The following TENM4 variants were observed in gnomAD, a reference collection of about 807,000 sequenced individuals.
The protein encoded by TENM4 is teneurin transmembrane protein 4.
A neutral mutation model predicts 243.3 loss-of-function variants in TENM4; 82 were observed. That is an observed-to-expected ratio of 0.34 (90% CI 0.28 to 0.40). The LOEUF is 0.40. Ranked by LOEUF, TENM4 falls within the 10% of genes least tolerant of loss-of-function variation. The probability of loss-of-function intolerance (pLI) is 1.00; values close to 1 mark genes in which losing one functional copy is unlikely to be tolerated. For missense variants in TENM4, 3,138 were observed against 3,673.3 expected, an observed-to-expected ratio of 0.85 and a Z score of 3.77; for synonymous variants, 1,412 against 1,456.3, an observed-to-expected ratio of 0.97 and a Z score of 0.69.
At chr11:79,071,732 GC>G (rs1850611435) in intron 4 of TENM4, among the ~76,000 whole-genome samples, 1 of 152,062 alleles carries the variant, frequency 6.6e-6, no homozygotes, top group Non-Finnish European at 1.5e-5. Flanking sequence ...TTTTATTGGT[GC>G]CTCACAATAA....
intron 1 of TENM4, among the ~76,000 whole-genome samples, chr11:79,323,946 G>T (rs1024239557): frequency 2.0e-5 from 3 of 151,684 alleles, no homozygotes; most frequent in East Asian, 1.9e-4. Context: ...CATACATAAA[G>T]CTACATATAC....
chr11:79,439,717 C>T (rs771051527), intron 1 of TENM4, among the ~76,000 whole-genome samples: 105 of 152,080 alleles, frequency 6.9e-4, no homozygotes, highest in East Asian at 5.9e-4. Flanking sequence ...TTCCAGTCTG[C>T]TCCTCCAATG....
At chr11:79,027,962 GA>G (rs1331346798) in intron 6 of TENM4, among the ~76,000 whole-genome samples, 3 of 152,132 alleles carry the variant, frequency 2.0e-5, no homozygotes, top group Admixed American at 6.5e-5. Flanking sequence ...TCACTCACAG[GA>G]AGGTCATAAA....
chr11:79,061,314 A>T (rs1372876793), intron 6 of TENM4, among the ~76,000 whole-genome samples: 1 of 152,106 alleles, frequency 6.6e-6, no homozygotes, highest in Non-Finnish European at 1.5e-5. Flanking sequence ...ACCTATGGGG[A>T]GTCTAGGTTT....
chr11:79,236,838 C>G (rs566697717), intron 2 of TENM4, among the ~76,000 whole-genome samples: 18 of 152,258 alleles, frequency 1.2e-4, no homozygotes, highest in Non-Finnish European at 2.5e-4. Flanking sequence ...TGACTATGCT[C>G]GGGTGCACTG....
chr11:78,715,094 G>A (rs901505893), intron 25 of TENM4, among the ~76,000 whole-genome samples: 8 of 152,134 alleles, frequency 5.3e-5, no homozygotes, highest in Admixed American at 4.6e-4. Flanking sequence ...GTTTGCATTC[G>A]CATTATTTAG....
rs1227564257 is a variant in TENM4 at position 78,813,116 on chromosome 11, C to G, written c.1784-800G>C. 3.3e-5 allele frequency among the ~76,000 whole-genome samples: 5 copies of G among 152,200 alleles called. No homozygotes were observed. In the South Asian group the frequency reaches 6.2e-4, roughly 19 times the overall value. ...CACCTGGCTTCTTTCCTTTTTAAAG[C>G]ACTCAGCAGGTAATCACTGTGTTTC... On this transcript the variant is annotated intron_variant, in intron 13 of 33. Coordinates refer to ENST00000278550, the MANE Select transcript of TENM4 (RefSeq NM_001098816.3).
At chr11:79,207,520 G>T (rs1863872271) in intron 3 of TENM4, among the ~76,000 whole-genome samples, 1 of 152,148 alleles carries the variant, frequency 6.6e-6, no homozygotes, top group Non-Finnish European at 1.5e-5. Context: ...GCCCAGATTT[G>T]AAACCAGAGC....
intron 2 of TENM4, among the ~76,000 whole-genome samples, chr11:79,216,317 C>G (rs1864050011): frequency 6.6e-6 from 1 of 152,186 alleles, no homozygotes; most frequent in Non-Finnish European, 1.5e-5. Context: ...GTGTTATTTG[C>G]ACAAAGGATT....
At chr11:79,159,375 T>A (rs1428287539) in intron 3 of TENM4, among the ~76,000 whole-genome samples, 1 of 152,062 alleles carries the variant, frequency 6.6e-6, no homozygotes, top group Non-Finnish European at 1.5e-5. Flanking sequence ...TCACCCTTAT[T>A]TTGCGAATAC....
intron 6 of TENM4, among the ~76,000 whole-genome samples, chr11:79,063,427 T>C (rs1172349615): frequency 6.6e-6 from 1 of 152,144 alleles, no homozygotes; most frequent in Non-Finnish European, 1.5e-5. Context: ...TAATTCAGAC[T>C]GCCCTCCCCT....
In TENM4 at chr11:79,055,008, T is replaced by G. The variant is rs1468230807; in HGVS notation, c.493+9730A>C. Among the ~76,000 whole-genome samples, 3 of 151,506 alleles carry G rather than the reference T, an allele frequency of 2.0e-5. No individual in the cohort carries two copies. The East Asian group carries it at 5.9e-4, about 30-fold the overall frequency. On this transcript the variant is annotated intron_variant, in intron 6 of 33. Transcript: ENST00000278550. Reference sequence around the variant, plus strand: ...CCAGGCGTGGTGGCAGAACCTGTAATCCCAGGTACTTGGGAGGCTGAGGCA... The same window carrying G: ...CCAGGCGTGGTGGCAGAACCTGTAAGCCCAGGTACTTGGGAGGCTGAGGCA...
intron 23 of TENM4, among the ~76,000 whole-genome samples, 154 bp from the exon 24 acceptor site, chr11:78,723,071 T>A (rs899250837): frequency 1.3e-5 from 2 of 152,184 alleles, no homozygotes; most frequent in African/African-American, 4.8e-5. Context: ...ACCCCCCCAA[T>A]GGAACCCAGA....
chr11:79,135,750 C>G (rs1251928392), intron 4 of TENM4, among the ~76,000 whole-genome samples: 1 of 81,634 alleles, frequency 1.2e-5, no homozygotes, highest in East Asian at 5.2e-4. Context: ...ATCATATATA[C>G]ATATATGTAT....
At chr11:79,371,358 T>C (rs1176789960) in intron 1 of TENM4, among the ~76,000 whole-genome samples, 13 of 152,002 alleles carry the variant, frequency 8.6e-5, no homozygotes, top group Admixed American at 7.2e-4. Context: ...TGGAGAAGAG[T>C]TGGGCTTGCT....
chr11:79,391,645 G>A (rs1170922502), intron 1 of TENM4, among the ~76,000 whole-genome samples: 1 of 152,138 alleles, frequency 6.6e-6, no homozygotes, highest in Non-Finnish European at 1.5e-5. Context: ...GTAATGTGAA[G>A]CTATTTACTG....
intron 1 of TENM4, among the ~76,000 whole-genome samples, chr11:79,360,065 CTA>C (rs1565314409): frequency 6.6e-6 from 1 of 152,194 alleles, no homozygotes; most frequent in Non-Finnish European, 1.5e-5. Flanking sequence ...CATCCCTCCT[CTA>C]TTCATTACAG....
rs547514009 is a variant in TENM4 at position 79,439,129 on chromosome 11, C to G, written c.-321+1380G>C. 21 of 147,690 alleles carry G rather than the reference C, an allele frequency of 1.4e-4. No individual in the cohort carries two copies. In the East Asian group the frequency reaches 3.2e-3, roughly 22 times the overall value. 9.1% of individuals were successfully genotyped at this position (147,690 alleles called of 1,614,324 possible). A position where few individuals can be genotyped will look rare whatever the true frequency, so the allele number is the denominator to read the frequency against. On this transcript the variant is annotated intron_variant, in intron 1 of 33. Coordinates refer to ENST00000278550, the MANE Select transcript of TENM4 (RefSeq NM_001098816.3). ...CAGTACATGGGCACCCTCTTCCCCCCACCCCCCACCCCGGCGATTGGAATC... is the reference window on the plus strand; with the variant it reads ...CAGTACATGGGCACCCTCTTCCCCCGACCCCCCACCCCGGCGATTGGAATC...
rs760771123 is a variant in TENM4 at position 78,887,072 on chromosome 11, T to C, written c.1084+2713A>G. 1.7e-4 allele frequency among the ~76,000 whole-genome samples: 26 copies of C among 152,222 alleles called. 1 individual carries two copies. Among genetic ancestry groups the C allele is most frequent in the Non-Finnish European group, 2.9e-5 (2 of 68,042 alleles). Reference sequence around the variant, plus strand: ...TGTGTCCTATCACTGCTTAAAACTGTTCAGTGGTACCCCAGTTGCCCACCC... The same window carrying C: ...TGTGTCCTATCACTGCTTAAAACTGCTCAGTGGTACCCCAGTTGCCCACCC... On this transcript the variant is annotated intron_variant, in intron 9 of 33. Coordinates refer to ENST00000278550, the MANE Select transcript of TENM4 (RefSeq NM_001098816.3).
Sources: gnomAD v4.1 joint callset for allele counts (sites outside exome capture counted in the v4.1 genomes callset) on GRCh38, gnomAD v4.1.1 for gene constraint, MANE v1.5 for transcripts, NCBI Gene and HGNC (gene_info 2026-07-23, HGNC 2026-07-21) for gene names.